Variants in DIAPH2 observed in about 807,000 individuals in gnomAD.
The protein encoded by DIAPH2 is diaphanous related formin 2, also known as protein diaphanous homolog 2.
DIAPH2 carries 35 observed loss-of-function variants against 92.7 expected under a neutral mutation model. That is an observed-to-expected ratio of 0.38 (90% CI 0.29 to 0.50). DIAPH2 has a LOEUF of 0.50. Ranked by LOEUF, DIAPH2 falls within the 20% of genes least tolerant of loss-of-function variation. The pLI is 0.94. For synonymous variants in DIAPH2, 301 were observed against 280.4 expected (o/e 1.07, Z -0.73); for missense variants, 701 against 819.5 (o/e 0.86, Z 1.77).
chrX:97,267,922 G>A (rs1206195494), intron 23 of DIAPH2, among the ~76,000 whole-genome samples: 5 of 111,582 alleles, frequency 4.5e-5, no homozygotes, highest in African/African-American at 1.6e-4. Context: ...GGTTTGGTTA[G>A]AAATGGTCTC....
At chrX:97,134,653 A>G (rs1009625990) in intron 21 of DIAPH2, among the ~76,000 whole-genome samples, 4 of 111,617 alleles carry the variant, frequency 3.6e-5, no homozygotes, top group African/African-American at 1.3e-4. Context: ...TTGCTGGTCC[A>G]GGGACCAGGG....
At chrX:96,925,229 A>G (rs2065573021) in intron 9 of DIAPH2, among the ~76,000 whole-genome samples, 2 of 110,540 alleles carry the variant, frequency 1.8e-5, no homozygotes, top group African/African-American at 6.6e-5. Flanking sequence ...TATTGTCCTT[A>G]AATATACTTA....
At chrX:96,714,571 A>G (rs2063938969) in intron 1 of DIAPH2, among the ~76,000 whole-genome samples, 1 of 111,585 alleles carries the variant, frequency 9.0e-6, no homozygotes, top group African/African-American at 3.3e-5. Context: ...GCCTGTGTGT[A>G]ATATGTTAAT....
At chrX:97,275,273 GC>G (rs777062563) in intron 23 of DIAPH2, among the ~76,000 whole-genome samples, 1 of 93,777 alleles carries the variant, frequency 1.1e-5, no homozygotes, top group African/African-American at 4.0e-5. Flanking sequence ...GGCAGGGGCT[GC>G]CCCCCCAACC....
chrX:97,313,179 C>T (rs1028528339), intron 23 of DIAPH2, among the ~76,000 whole-genome samples: 13 of 110,020 alleles, frequency 1.2e-4, no homozygotes, highest in African/African-American at 2.3e-4. Flanking sequence ...AGTGAGACTC[C>T]GTCTCAAAAT....
At chrX:97,000,212 A>G (rs961831808) in intron 17 of DIAPH2, among the ~76,000 whole-genome samples, 4 of 112,209 alleles carry the variant, frequency 3.6e-5, no homozygotes, top group Non-Finnish European at 7.5e-5. Context: ...CAAACAAAAG[A>G]AAAAGACGCA....
At chrX:97,598,843 G>C (rs1422035362) in intron 26 of DIAPH2, among the ~76,000 whole-genome samples, 3 of 112,039 alleles carry the variant, frequency 2.7e-5, no homozygotes, top group Non-Finnish European at 3.8e-5. Flanking sequence ...GCCTATGCTG[G>C]TGTCCTCTAG....
intron 22 of DIAPH2, among the ~76,000 whole-genome samples, chrX:97,226,674 C>T (rs1220047003): frequency 9.0e-6 from 1 of 111,363 alleles, no homozygotes; most frequent in Non-Finnish European, 1.9e-5. Context: ...CTCACCCAGC[C>T]GAGTATATGT....
At chrX:97,108,267 T>C (rs2066955948) in intron 20 of DIAPH2, among the ~76,000 whole-genome samples, 1 of 111,378 alleles carries the variant, frequency 9.0e-6, no homozygotes, top group African/African-American at 3.3e-5. Context: ...ATAAATCCCC[T>C]ACATAATACA....
intron 22 of DIAPH2, among the ~76,000 whole-genome samples, chrX:97,160,078 G>A (rs1462523555): frequency 1.9e-5 from 2 of 107,165 alleles, no homozygotes; most frequent in Non-Finnish European, 3.9e-5. Context: ...GGGTGTTTAA[G>A]GGGATTCATA....
chrX:97,263,189 G>A (rs190885313), intron 23 of DIAPH2, among the ~76,000 whole-genome samples: 4 of 111,873 alleles, frequency 3.6e-5, no homozygotes, highest in Non-Finnish European at 7.5e-5. Flanking sequence ...CTCTATCATA[G>A]CTGACTATTT....
chrX:97,368,530 A>G (rs1035854726), intron 24 of DIAPH2, among the ~76,000 whole-genome samples: 1 of 111,766 alleles, frequency 8.9e-6, no homozygotes, highest in South Asian at 3.7e-4. Flanking sequence ...AATTTTAGCA[A>G]AACACATGGC....
intron 5 of DIAPH2, among the ~76,000 whole-genome samples, chrX:96,898,958 T>C (rs1294947919): frequency 9.2e-6 from 1 of 108,781 alleles, no homozygotes; most frequent in Non-Finnish European, 1.9e-5. Flanking sequence ...TAACCAGTTT[T>C]CCCAGCACCA....
At chrX:97,346,482 G>A (rs749945779) in intron 23 of DIAPH2, among the ~76,000 whole-genome samples, 176 of 107,679 alleles carry the variant, frequency 1.6e-3, no homozygotes, top group Non-Finnish European at 2.7e-3. Flanking sequence ...TAGAGGAAAA[G>A]TAGTTTCTCT....
At chrX:97,009,865 C>T (rs1308074092) in intron 17 of DIAPH2, among the ~76,000 whole-genome samples, 1 of 111,479 alleles carries the variant, frequency 9.0e-6, no homozygotes. Context: ...AGGAAGGGGT[C>T]TCTACCTAAG....
intron 25 of DIAPH2, among the ~76,000 whole-genome samples, chrX:97,399,299 G>A (rs986354013): frequency 9.0e-6 from 1 of 111,398 alleles, no homozygotes; most frequent in African/African-American, 3.3e-5. Context: ...AGATATGGTA[G>A]GGAAAGGAAA....
At chrX:96,863,956 C>T (rs1359152009) in intron 4 of DIAPH2, among the ~76,000 whole-genome samples, 2 of 110,470 alleles carry the variant, frequency 1.8e-5, no homozygotes, top group African/African-American at 6.6e-5. Context: ...TTAGCTACTC[C>T]GGATGGGGAG....
chrX:96,999,670 A>G (rs763767453), intron 17 of DIAPH2, among the ~76,000 whole-genome samples: 54 of 110,792 alleles, frequency 4.9e-4, no homozygotes, highest in African/African-American at 1.7e-3. Flanking sequence ...AAATGTTGGT[A>G]CATGTATCCA....
chrX:97,180,333 C>T (rs1399719264), intron 22 of DIAPH2, among the ~76,000 whole-genome samples: 1 of 111,769 alleles, frequency 8.9e-6, no homozygotes, highest in Non-Finnish European at 1.9e-5. Flanking sequence ...TATCCTTTGC[C>T]CAGTTTTTGA....
Sources: gnomAD v4.1 joint callset for allele counts (sites outside exome capture counted in the v4.1 genomes callset) on GRCh38, gnomAD v4.1.1 for gene constraint, MANE v1.5 for transcripts, NCBI Gene and HGNC (gene_info 2026-07-23, HGNC 2026-07-21) for gene names.